GPR35: variants seen among roughly 807,000 people sequenced by gnomAD.
The protein encoded by GPR35 is G protein-coupled receptor 35.
For missense variants in GPR35, 372 were observed against 422.5 expected (o/e 0.88, Z 1.05); for synonymous variants, 207 against 198.4 (o/e 1.04, Z -0.36).
chr2:240,632,196 G>A lies in GPR35; in HGVS notation c.*1314G>A, dbSNP rs906679956. 6.6e-6 allele frequency among the ~76,000 whole-genome samples: 1 copy of A among 151,668 alleles called. No homozygotes were observed. The highest frequency in any genetic ancestry group is 1.5e-5 in the Non-Finnish European group (1 of 67,862). On this transcript the variant is annotated 3_prime_UTR_variant, in exon 2 of 2. Transcript: ENST00000407714. ...AAGGGTGTCCATGCCTGGTTGGGGG[G>A]GGTCTATGTCCAGGAGGGTCCCATG...
rs2043467783 is a variant in GPR35 at position 240,633,113 on chromosome 2, A to G, written c.*2231A>G. On this transcript the variant is annotated 3_prime_UTR_variant, in exon 2 of 2. Coordinates refer to ENST00000407714, the MANE Select transcript of GPR35 (RefSeq NM_005301.5). ...ATTGTAAGTTTCCTGAGGCCTCCCT[A>G]GCCATGCTGAAGTGTGAGTCAATTA... Among the ~76,000 whole-genome samples the G allele has an allele frequency of 6.6e-6, 1 of 152,200 alleles. No individual in the cohort carries two copies.
rs547386562 is a variant in GPR35 at position 240,630,924 on chromosome 2, C to T, written c.*42C>T. On this transcript the variant is annotated 3_prime_UTR_variant, in exon 2 of 2. Transcript: ENST00000407714. ...GCTGTGGGCCAGGTCTCGGGGGCTC[C>T]GGGAGGTGCTGCCTGCCAGGGGAAG... The T allele has an allele frequency of 3.9e-5, 60 of 1,533,042 alleles. No homozygotes were observed. In the Admixed American group the frequency reaches 4.8e-4, roughly 12 times the overall value. 95.0% of individuals were successfully genotyped at this position (1,533,042 alleles called of 1,614,324 possible). A position where few individuals can be genotyped will look rare whatever the true frequency, so the allele number is the denominator to read the frequency against.
chr2:240,619,775 C>A (rs1161075366), intron 5 of GPR35, among the ~76,000 whole-genome samples: 2 of 152,238 alleles, frequency 1.3e-5, no homozygotes, highest in Non-Finnish European at 1.5e-5. Context: ...GAGTGGAGGA[C>A]CTTCCAGCGG....
upstream of GPR35, among the ~76,000 whole-genome samples, chr2:240,624,312 A>G (rs1359085261): frequency 6.6e-6 from 1 of 151,984 alleles, no homozygotes; most frequent in Admixed American, 6.5e-5. Context: ...TGGGCAGGGA[A>G]CCCAAGGGCG....
intron 2 of GPR35, among the ~76,000 whole-genome samples, chr2:240,611,028 G>T (rs561038379): frequency 1.3e-5 from 2 of 152,180 alleles, no homozygotes; most frequent in East Asian, 3.9e-4. Context: ...CACTTCCCAG[G>T]TTCAAGTGAT....
chr2:240,625,547 G>A lies in GPR35; in HGVS notation c.-26G>A, dbSNP rs891325761. 23 of 985,890 alleles carry A rather than the reference G, an allele frequency of 2.3e-5. No individual in the cohort carries two copies. Among genetic ancestry groups the A allele is most frequent in the African/African-American group, 5.2e-5 (3 of 57,248 alleles). The allele number at this position is 985,890 out of a possible 1,614,324, so 61.1% of individuals were successfully genotyped here. A position where few individuals can be genotyped will look rare whatever the true frequency, so the allele number is the denominator to read the frequency against. The stretch of plus-strand genomic sequence containing the variant: ...GCAGCGGGGGTCACACACTCCACCC[G>A]GGAGGCCAAAGCTGCCTGCAGGTCA... On this transcript the variant is annotated 5_prime_UTR_variant, in exon 1 of 2. Transcript: ENST00000407714.
At position 240,632,724 on chromosome 2, in the gene GPR35, C is replaced by A. The variant is rs1239912633; in HGVS notation, c.*1842C>A. ...CCTCATGCCCAGGAAGGCCCATGCCCAGGAGGGTCCATGCCCAGGCCAGTT... is the reference window on the plus strand; with the variant it reads ...CCTCATGCCCAGGAAGGCCCATGCCAAGGAGGGTCCATGCCCAGGCCAGTT... On this transcript the variant is annotated 3_prime_UTR_variant, in exon 2 of 2. Transcript: ENST00000407714. Among the ~76,000 whole-genome samples, 1 of 151,910 alleles carries A rather than the reference C, an allele frequency of 6.6e-6. No homozygotes were observed. Among genetic ancestry groups the A allele is most frequent in the Non-Finnish European group, 1.5e-5 (1 of 67,948 alleles).
At chr2:240,622,730 C>A (rs1407691807), upstream of GPR35, among the ~76,000 whole-genome samples, 4 of 152,196 alleles carry the variant, frequency 2.6e-5, no homozygotes, top group Non-Finnish European at 5.9e-5. Flanking sequence ...TTCGGAGCTC[C>A]TCGCGTCACA....
chr2:240,623,818 C>G (rs1379824724), upstream of GPR35, among the ~76,000 whole-genome samples: 2 of 152,234 alleles, frequency 1.3e-5, no homozygotes. Flanking sequence ...CAAGTCCACA[C>G]AGCCCAGAAG....
chr2:240,617,063 A>G, intron 3 of GPR35: 2 of 721,334 alleles, frequency 2.8e-6, no homozygotes, highest in Non-Finnish European at 5.2e-6. Flanking sequence ...TTGCAGACTC[A>G]TGAAAGACCT....
intron 2 of GPR35, among the ~76,000 whole-genome samples, chr2:240,613,691 C>A (rs2125476781): frequency 6.6e-6 from 1 of 152,100 alleles, no homozygotes; most frequent in East Asian, 1.9e-4. Context: ...AACCATAACA[C>A]TAACTCCACC....
upstream of GPR35, among the ~76,000 whole-genome samples, chr2:240,623,144 C>T (rs761427978): frequency 6.6e-5 from 10 of 152,340 alleles, no homozygotes; most frequent in East Asian, 1.9e-4. Context: ...TGTGGGTGAG[C>T]GGTCGTCGAG....
chr2:240,620,808 G>A (rs1292983485), upstream of GPR35, among the ~76,000 whole-genome samples: 1 of 152,172 alleles, frequency 6.6e-6, no homozygotes, highest in Non-Finnish European at 1.5e-5. Context: ...CAGCTGACAG[G>A]CTTTGCCCTC....
intron 4 of GPR35, among the ~76,000 whole-genome samples, chr2:240,618,034 G>A (rs184504268): frequency 1.1e-4 from 17 of 152,106 alleles, no homozygotes; most frequent in South Asian, 4.1e-4. Context: ...TGGATTTGTC[G>A]TCATTTTTAG....
chr2:240,629,187 ACCCCTGGGCGG>A (rs1009026339), intron 1 of GPR35: 6 of 152,400 alleles, frequency 3.9e-5, no homozygotes, highest in African/African-American at 1.4e-4. Context: ...ACTCAGCTCC[ACCCCTGGGCGG>A]CCCCTGAGCA....
At chr2:240,616,511 G>A in exon 3 of GPR35, 1 of 779,482 alleles carries the variant, frequency 1.3e-6, no homozygotes, top group Non-Finnish European at 2.4e-6. Flanking sequence ...ACCAGATTCA[G>A]GTGAGAGTTT....
rs536801588 is a variant in GPR35, at chr2:240,626,674, C to G, written c.-5+1106C>G. On this transcript the variant is annotated intron_variant, in intron 1 of 1. Transcript: ENST00000407714. Reference sequence around the variant, plus strand: ...GTCACTCACAGCCCCATCCTGGGTCCTGGGGTGTGGTGTGCTGTGTGGGGC... The same window carrying G: ...GTCACTCACAGCCCCATCCTGGGTCGTGGGGTGTGGTGTGCTGTGTGGGGC... Among the ~76,000 whole-genome samples the G allele has an allele frequency of 5.9e-5, 9 of 152,278 alleles. No individual in the cohort carries two copies. In the East Asian group the frequency reaches 1.7e-3, roughly 29 times the overall value.
chr2:240,628,769 G>A (rs984577126), intron 1 of GPR35: 1 of 152,302 alleles, frequency 6.6e-6, no homozygotes, highest in Non-Finnish European at 1.5e-5. Flanking sequence ...AGCCCAGCAG[G>A]AAGCCACTGC....
At position 240,630,522 on chromosome 2, in the gene GPR35, C is replaced by G. The variant is rs2043431042; in HGVS notation, c.570C>G (p.Cys190Trp). 2 of 1,612,826 alleles carry G rather than the reference C, an allele frequency of 1.2e-6. No homozygotes were observed. Among genetic ancestry groups the G allele is most frequent in the African/African-American group, 2.7e-5 (2 of 74,914 alleles). ...TGCCCCTGGCCGTGGTGGTCTTCTG[C>G]TCCCTGAAGGTGGTGACTGCCCTGG... ...FYLPLAVVVF[C>W]SLKVVTALAQ... Residue 190 changes from cysteine (C) to tryptophan (W), a missense_variant, in exon 2 of 2, where the codon TGC (cysteine) becomes TGG (tryptophan). By Grantham distance (215) the Cys-to-Trp change is radical (BLOSUM62 -2). Coordinates refer to ENST00000407714, the MANE Select transcript of GPR35 (RefSeq NM_005301.5).
Sources: gnomAD v4.1 joint callset for allele counts (sites outside exome capture counted in the v4.1 genomes callset) on GRCh38, gnomAD v4.1.1 for gene constraint, MANE v1.5 for transcripts, NCBI Gene and HGNC (gene_info 2026-07-23, HGNC 2026-07-21) for gene names.